Variants in LMBR1 observed in about 807,000 individuals in gnomAD.
LMBR1 encodes the protein limb region 1 protein homolog.
Under a neutral mutation model 73.9 loss-of-function variants are expected in LMBR1, and 52 were observed. That is an observed-to-expected ratio of 0.70 (90% CI 0.56 to 0.89). LMBR1 has a LOEUF of 0.89. LMBR1 is among the 40% of genes least tolerant of loss of function. The pLI is 0.00. For missense variants in LMBR1, 539 were observed against 579.8 expected, an observed-to-expected ratio of 0.93 and a Z score of 0.72; for synonymous variants, 215 against 209.4, an observed-to-expected ratio of 1.03 and a Z score of -0.23.
chr7:156,869,792 T>A (rs1798998640), intron 1 of LMBR1, among the ~76,000 whole-genome samples: 1 of 152,078 alleles, frequency 6.6e-6, no homozygotes, highest in Non-Finnish European at 1.5e-5. Context: ...AGGCTGAAAG[T>A]AAAGAGATAA....
chr7:156,856,667 C>G (rs568037580), intron 1 of LMBR1, among the ~76,000 whole-genome samples: 5 of 151,792 alleles, frequency 3.3e-5, no homozygotes, highest in South Asian at 4.2e-4. Flanking sequence ...GGTCACACCA[C>G]TGCACTCCAG....
At chr7:156,889,034 A>G (rs1802433270) in intron 1 of LMBR1, among the ~76,000 whole-genome samples, 1 of 152,018 alleles carries the variant, frequency 6.6e-6, no homozygotes, top group Admixed American at 6.6e-5. Context: ...AGCCTGGGCA[A>G]CAGAGAAAGA....
chr7:156,817,516 CAGAGACAGACAG>C (rs1563439131), intron 4 of LMBR1, among the ~76,000 whole-genome samples: 8 of 66,390 alleles, frequency 1.2e-4, no homozygotes, highest in African/African-American at 3.1e-4. Context: ...GAGAGAGAGA[CAGAGACAGACAG>C]AGAGACAGAG....
chr7:156,844,237 T>C (rs1328505783), intron 1 of LMBR1, among the ~76,000 whole-genome samples: 2 of 151,808 alleles, frequency 1.3e-5, no homozygotes, highest in Non-Finnish European at 2.9e-5. Flanking sequence ...GGCAGGAGAA[T>C]CGCTTGAACC....
In LMBR1 at chr7:156,683,885, C is replaced by T. The variant is rs183963888; in HGVS notation, c.*193G>A. ...GCACTTAACTGGAAACTACAGGGTCCATCAGAAAGTTAAATTTAAAAAAGA... is the reference window on the plus strand; with the variant it reads ...GCACTTAACTGGAAACTACAGGGTCTATCAGAAAGTTAAATTTAAAAAAGA... On this transcript the variant is annotated 3_prime_UTR_variant, in exon 17 of 17. Transcript: ENST00000353442. The T allele has an allele frequency of 3.5e-6, 2 of 572,246 alleles. No individual in the cohort carries two copies. The highest frequency in any genetic ancestry group is 2.9e-5 in the East Asian group (1 of 35,036). The allele number at this position is 572,246 out of a possible 1,614,324, so 35.4% of individuals were successfully genotyped here.
intron 4 of LMBR1, among the ~76,000 whole-genome samples, chr7:156,801,451 T>C (rs1261430823): frequency 2.0e-5 from 3 of 152,252 alleles, no homozygotes; most frequent in African/African-American, 7.2e-5. Flanking sequence ...TGATTCACTT[T>C]ATTGCCACAT....
At chr7:156,876,984 A>G (rs1324513411) in intron 1 of LMBR1, among the ~76,000 whole-genome samples, 1 of 152,164 alleles carries the variant, frequency 6.6e-6, no homozygotes, top group Admixed American at 6.5e-5. Flanking sequence ...GCAGAACTAA[A>G]TGAAACTGAA....
chr7:156,697,535 T>G lies in LMBR1; in HGVS notation c.1226-9344A>C, dbSNP rs184079730. Among the ~76,000 whole-genome samples, 353 of 151,970 alleles carry G rather than the reference T, an allele frequency of 2.3e-3. 4 individuals are homozygous for G. Among genetic ancestry groups the G allele is most frequent in the African/African-American group, 8.0e-3 (330 of 41,450 alleles). On this transcript the variant is annotated intron_variant, in intron 15 of 16. Coordinates refer to ENST00000353442, the MANE Select transcript of LMBR1 (RefSeq NM_022458.4). Reference sequence around the variant, plus strand: ...TTCCCAGAGCGGCCGTTTATAGACCTCCCCCCAGGAATGCATTCTTTTCCC... The same window carrying G: ...TTCCCAGAGCGGCCGTTTATAGACCGCCCCCCAGGAATGCATTCTTTTCCC...
intron 15 of LMBR1, among the ~76,000 whole-genome samples, chr7:156,717,616 C>T (rs1813507887): frequency 6.6e-6 from 1 of 152,178 alleles, no homozygotes; most frequent in South Asian, 2.1e-4. Context: ...GAGGCAATTA[C>T]AAGTCACTGG....
chr7:156,883,652 C>G (rs1211535451), intron 1 of LMBR1, among the ~76,000 whole-genome samples: 2 of 152,096 alleles, frequency 1.3e-5, no homozygotes, highest in Non-Finnish European at 2.9e-5. Flanking sequence ...AAGGCGTGAG[C>G]AAGGTTGCTT....
chr7:156,875,540 A>G (rs1310304834), intron 1 of LMBR1, among the ~76,000 whole-genome samples: 2 of 152,354 alleles, frequency 1.3e-5, no homozygotes, highest in East Asian at 3.9e-4. Flanking sequence ...AGTCAAGATG[A>G]AGGAAAGAAT....
chr7:156,836,288 T>G (rs1837629368), intron 2 of LMBR1, among the ~76,000 whole-genome samples: 1 of 152,054 alleles, frequency 6.6e-6, no homozygotes, highest in Non-Finnish European at 1.5e-5. Context: ...AACCCTGACC[T>G]AAAAAATCTG....
intron 9 of LMBR1, among the ~76,000 whole-genome samples, chr7:156,735,989 G>C (rs924658682): frequency 6.6e-6 from 1 of 152,158 alleles, no homozygotes; most frequent in African/African-American, 2.4e-5. Context: ...AGAGCAAATG[G>C]GTAGCGAAGA....
rs577038212 is a variant in LMBR1, at chr7:156,874,365, G to A, written c.66+18563C>T. On this transcript the variant is annotated intron_variant, in intron 1 of 16. Transcript: ENST00000353442. ...GCCCGCAAGCGCCACACGCAGCCCC[G>A]GCTCCCGCTCGTGCCTCTCCCTCCA... Among the ~76,000 whole-genome samples the A allele has an allele frequency of 9.8e-5, 15 of 152,290 alleles. No individual in the cohort carries two copies. The South Asian group carries it at 1.9e-3, about 19-fold the overall frequency.
intron 15 of LMBR1, among the ~76,000 whole-genome samples, chr7:156,705,775 G>A (rs1810795793): frequency 6.6e-6 from 1 of 151,982 alleles, no homozygotes; most frequent in South Asian, 2.1e-4. Context: ...AAACTCACAA[G>A]TAAAACAATC....
chr7:156,717,099 T>C (rs991442495), intron 15 of LMBR1, among the ~76,000 whole-genome samples: 2 of 152,190 alleles, frequency 1.3e-5, no homozygotes, highest in African/African-American at 2.4e-5. Flanking sequence ...TGAATGATTG[T>C]GCCAATGCAC....
At position 156,826,605 on chromosome 7, in the gene LMBR1, C is replaced by A. The variant is rs369354246; in HGVS notation, c.319G>T (p.Gly107Cys). 1 of 1,534,152 alleles carries A rather than the reference C, an allele frequency of 6.5e-7. No individual in the cohort carries two copies. The highest frequency in any genetic ancestry group is 8.8e-7 in the Non-Finnish European group (1 of 1,133,502). The change falls in exon 4 of 17, where the codon GGT (glycine) becomes TGT (cysteine). Residue 107 changes from glycine to cysteine, a missense_variant and splice_region_variant. By Grantham distance (159) the Gly-to-Cys change is radical. This residue lies in a region of LMBR1 where 454 missense variants were observed against 473.4 expected (regional missense o/e 0.96). Transcript: ENST00000353442. ...ATTATATTAAGCAATATATACTAAC[C>A]ATGAATCAGGGAGCCATTTAGCCAC... ...IQWLNGSLIH[G>C]LWNLASLFSN... is the part of the protein sequence containing the mutation.
At chr7:156,883,849 G>T (rs74350689) in intron 1 of LMBR1, among the ~76,000 whole-genome samples, 2 of 151,962 alleles carry the variant, frequency 1.3e-5, no homozygotes, top group African/African-American at 4.8e-5. Context: ...TGACCACATA[G>T]AGCCCACCTG....
At chr7:156,763,938 T>C in intron 5 of LMBR1, 143 bp from the exon 6 acceptor site, 1 of 555,344 alleles carries the variant, frequency 1.8e-6, no homozygotes, top group Non-Finnish European at 2.9e-6. Flanking sequence ...CACTAGGTAC[T>C]TATGGTTTAC....
Sources: allele counts gnomAD v4.1 joint callset (sites outside exome capture counted in the v4.1 genomes callset), GRCh38; gene constraint gnomAD v4.1.1; regional missense constraint gnomAD v4.1.1; transcripts MANE v1.5; gene names NCBI Gene and HGNC (gene_info 2026-07-23, HGNC 2026-07-21).